The following AZI2 variants were observed in gnomAD, a reference collection of about 807,000 sequenced individuals.
The protein encoded by AZI2 is 5-azacytidine induced 2.
A neutral mutation model predicts 45.8 loss-of-function variants in AZI2; 22 were observed. The observed-to-expected ratio is 0.48, with a 90% CI of 0.34 to 0.69. The LOEUF is 0.69. Among genes scored for constraint, AZI2 ranks in the 30% least tolerant of loss-of-function variants. The probability of loss-of-function intolerance (pLI) is 0.01; values close to 1 mark genes in which losing one functional copy is unlikely to be tolerated. For missense variants in AZI2, 417 were observed against 441.5 expected (o/e 0.94, Z 0.50); for synonymous variants, 137 against 156.7 (o/e 0.87, Z 0.94).
intron 1 of AZI2, chr3:28,341,506 C>T (rs1234104995): frequency 1.3e-5 from 2 of 151,962 alleles, no homozygotes; most frequent in Non-Finnish European, 1.5e-5. Context: ...GAGAAGAGCT[C>T]GTTACCTTCA....
In AZI2 at chr3:28,323,188, T is replaced by C. The variant is rs1354526144; in HGVS notation, c.*854A>G. 6.6e-6 allele frequency: 1 copy of C among 151,060 alleles called. No homozygotes were observed. The highest frequency in any genetic ancestry group is 1.5e-5 in the Non-Finnish European group (1 of 67,322). 9.4% of individuals were successfully genotyped at this position (151,060 alleles called of 1,614,324 possible). ...ACACAATGTGCAGCTAGCTGTAGTC[T>C]CTTTGAAGAAAATGACTTTTTATCA... On this transcript the variant is annotated 3_prime_UTR_variant, in exon 8 of 8. Coordinates refer to ENST00000479665, the MANE Select transcript of AZI2 (RefSeq NM_022461.5).
intron 5 of AZI2, among the ~76,000 whole-genome samples, chr3:28,332,659 A>T (rs1703628323): frequency 6.6e-6 from 1 of 151,754 alleles, no homozygotes; most frequent in Non-Finnish European, 1.5e-5. Flanking sequence ...TCTTTAAAAG[A>T]ATAAAATTGC....
chr3:28,341,060 T>G (rs2125663556), intron 1 of AZI2, among the ~76,000 whole-genome samples: 1 of 152,172 alleles, frequency 6.6e-6, no homozygotes, highest in East Asian at 1.9e-4. Context: ...TTTTCAAAAG[T>G]TCTTTGAGTA....
At chr3:28,327,744 T>C (rs1043774799) in intron 6 of AZI2, among the ~76,000 whole-genome samples, 2 of 151,026 alleles carry the variant, frequency 1.3e-5, no homozygotes, top group Non-Finnish European at 3.0e-5. Flanking sequence ...GATTTTCTTT[T>C]TTTGCTGCTT....
At chr3:28,339,623 G>GT (rs1054465402) in intron 2 of AZI2, among the ~76,000 whole-genome samples, 1 of 151,784 alleles carries the variant, frequency 6.6e-6, no homozygotes, top group Non-Finnish European at 1.5e-5. Flanking sequence ...CCATCTTCAA[G>GT]TTTTTTTTAT....
chr3:28,326,759 A>G (rs192828375), intron 7 of AZI2, 73 bp downstream of exon 7: 216 of 1,097,088 alleles, frequency 2.0e-4, no homozygotes, highest in Middle Eastern at 1.2e-3. Context: ...TGAGATTTTG[A>G]TAAGATATGA....
Position 28,324,087 on chromosome 3 carries a change from C to T in AZI2, c.1134G>A (p.Leu378=), listed in dbSNP as rs1703286135. 4 of 1,609,772 alleles carry T rather than the reference C, an allele frequency of 2.5e-6. No homozygotes were observed. Among genetic ancestry groups the T allele is most frequent in the Non-Finnish European group, 2.5e-6 (3 of 1,177,114 alleles). The stretch of plus-strand genomic sequence containing the variant: ...TCTGATTATGTTGATCCAAGTAATG[C>T]AGTGGTGGAAGGTTGGGTAAAGGCA... ...KTLPLPNLPP[L]HYLDQHNQNC... is the part of the protein sequence containing the mutation. Residue 378 remains leucine, a synonymous_variant, in exon 8 of 8, where the codon CTG becomes CTA. Transcript: ENST00000479665.
At chr3:28,332,100 CATAG>C in intron 6 of AZI2, 1 of 613,538 alleles carries the variant, frequency 1.6e-6, no homozygotes, top group Non-Finnish European at 2.8e-6. Context: ...AATACCTCCA[CATAG>C]CTAGTTCCCT....
chr3:28,346,598 A>C (rs985628203), intron 1 of AZI2, among the ~76,000 whole-genome samples: 1 of 152,122 alleles, frequency 6.6e-6, no homozygotes, highest in Non-Finnish European at 1.5e-5. Flanking sequence ...TAGGCTCTTT[A>C]TTCCATATTG....
At chr3:28,340,948 C>T (rs1003721639) in intron 1 of AZI2, among the ~76,000 whole-genome samples, 1 of 151,900 alleles carries the variant, frequency 6.6e-6, no homozygotes, top group Non-Finnish European at 1.5e-5. Flanking sequence ...TTCATTAAAA[C>T]AATCAAAATT....
At chr3:28,326,464 T>C (rs1453537458) in intron 7 of AZI2, 3 of 194,032 alleles carry the variant, frequency 1.5e-5, no homozygotes, top group African/African-American at 7.3e-5. Context: ...TCTGTAGCAC[T>C]GGAATGAAAA....
At position 28,339,475 on chromosome 3, in the gene AZI2, A is replaced by G. The variant is rs1210893079; in HGVS notation, c.217-860T>C. On this transcript the variant is annotated intron_variant, in intron 2 of 7. Coordinates refer to ENST00000479665, the MANE Select transcript of AZI2 (RefSeq NM_022461.5). ...CCAAAATGTTACCTTCTCTCACTGTATGCCAATATGTTACAAATTTACATA... is the reference window on the plus strand; with the variant it reads ...CCAAAATGTTACCTTCTCTCACTGTGTGCCAATATGTTACAAATTTACATA... Among the ~76,000 whole-genome samples, 3 of 142,580 alleles carry G rather than the reference A, an allele frequency of 2.1e-5. No homozygotes were observed. In the South Asian group the frequency reaches 6.4e-4, roughly 31 times the overall value. The allele number at this position is 142,580 out of a possible 152,430, so 93.5% of individuals were successfully genotyped here.
Position 28,345,125 on chromosome 3 carries a change from C to A in AZI2, c.-6+3476G>T, listed in dbSNP as rs566058294. On this transcript the variant is annotated intron_variant, in intron 1 of 7. Transcript: ENST00000479665. ...AAATACTGATTCCTAGCTTCCACTG[C>A]AGATCTATGCAAATCAGAATATCTG... 6.6e-5 allele frequency among the ~76,000 whole-genome samples: 10 copies of A among 152,226 alleles called. No individual in the cohort carries two copies. In the South Asian group the frequency reaches 2.1e-3, roughly 32 times the overall value.
intron 1 of AZI2, among the ~76,000 whole-genome samples, chr3:28,345,799 G>A (rs1469893960): frequency 6.6e-6 from 1 of 151,994 alleles, no homozygotes; most frequent in South Asian, 2.1e-4. Flanking sequence ...CAAAGTTTGG[G>A]ATACTAGAAA....
chr3:28,337,786 G>C, intron 4 of AZI2, 151 bp downstream of exon 4: 1 of 440,958 alleles, frequency 2.3e-6, no homozygotes, highest in Non-Finnish European at 3.9e-6. Flanking sequence ...TTGATATTAT[G>C]TGAAGGTAGA....
rs71626514 is a variant in AZI2 at position 28,323,354 on chromosome 3, ATTTTTTT to A, written c.*681_*687del. 1 of 132,832 alleles carries A rather than the reference ATTTTTTT, an allele frequency of 7.5e-6. No homozygotes were observed. The highest frequency in any genetic ancestry group is 3.9e-3 in the Middle Eastern group (1 of 256). 8.2% of individuals were successfully genotyped at this position (132,832 alleles called of 1,614,324 possible). A position where few individuals can be genotyped will look rare whatever the true frequency, so the allele number is the denominator to read the frequency against. The stretch of plus-strand genomic sequence containing the variant: ...CACCCCAGAGTTTTTCAACTATTTC[ATTTTTTT>A]TTTTTTTTTTCCCAATTAGGACTTA... On this transcript the variant is annotated 3_prime_UTR_variant, in exon 8 of 8. Transcript: ENST00000479665.
At chr3:28,335,228 G>A (rs998765130) in intron 5 of AZI2, among the ~76,000 whole-genome samples, 2 of 151,934 alleles carry the variant, frequency 1.3e-5, no homozygotes, top group African/African-American at 4.8e-5. Flanking sequence ...CTAAGTTTCC[G>A]ATTCCATGGT....
intron 1 of AZI2, among the ~76,000 whole-genome samples, chr3:28,342,825 G>C (rs966657140): frequency 2.6e-5 from 4 of 151,768 alleles, no homozygotes; most frequent in Admixed American, 2.6e-4. Flanking sequence ...TTTAAGGAGA[G>C]GTAAAATTGT....
chr3:28,348,158 T>C (rs941140148), intron 1 of AZI2: 6 of 152,238 alleles, frequency 3.9e-5, no homozygotes, highest in African/African-American at 1.4e-4. Context: ...AAACGACGAA[T>C]ACCTGTTAGC....
Sources: allele counts gnomAD v4.1 joint callset (sites outside exome capture counted in the v4.1 genomes callset), GRCh38; gene constraint gnomAD v4.1.1; transcripts MANE v1.5; gene names NCBI Gene and HGNC (gene_info 2026-07-23, HGNC 2026-07-21).